The following UBE2E2 variants were observed in gnomAD, a reference collection of about 807,000 sequenced individuals.
UBE2E2 encodes ubiquitin conjugating enzyme E2 E2, also known as ubiquitin-conjugating enzyme E2 E2.
A neutral mutation model predicts 24.7 loss-of-function variants in UBE2E2; 6 were observed. The ratio of observed to expected loss-of-function variants is 0.24; its 90% CI spans 0.13 to 0.48. The LOEUF is 0.48. Ranked by LOEUF, UBE2E2 falls within the 20% of genes least tolerant of loss-of-function variation. UBE2E2 has a pLI of 0.99. For missense variants in UBE2E2, 169 were observed against 245.0 expected, an observed-to-expected ratio of 0.69 and a Z score of 2.07; for synonymous variants, 104 against 83.6, an observed-to-expected ratio of 1.24 and a Z score of -1.33.
At position 23,590,232 on chromosome 3, in the gene UBE2E2, A is replaced by G. The variant is rs1286711240; in HGVS notation, c.*401A>G. Reference sequence around the variant, plus strand: ...TTTGATTTTGATTTTTTTTTCTTTTATGTGATCTTTGGGAAAACACATTCA... The same window carrying G: ...TTTGATTTTGATTTTTTTTTCTTTTGTGTGATCTTTGGGAAAACACATTCA... On this transcript the variant is annotated 3_prime_UTR_variant, in exon 6 of 6. Coordinates refer to ENST00000396703, the MANE Select transcript of UBE2E2 (RefSeq NM_152653.4). The G allele has an allele frequency of 6.2e-6, 1 of 160,030 alleles. No individual in the cohort carries two copies. The highest frequency in any genetic ancestry group is 2.4e-5 in the African/African-American group (1 of 41,162). The allele number at this position is 160,030 out of a possible 1,614,324, so 9.9% of individuals were successfully genotyped here. A position where few individuals can be genotyped will look rare whatever the true frequency, so the allele number is the denominator to read the frequency against.
intron 3 of UBE2E2, among the ~76,000 whole-genome samples, chr3:23,271,357 G>T (rs936834163): frequency 6.6e-6 from 1 of 152,174 alleles, no homozygotes; most frequent in Non-Finnish European, 1.5e-5. Flanking sequence ...AGACCTTCAC[G>T]GTGAGTGTTG....
At chr3:23,502,106 T>G (rs1699735238) in intron 4 of UBE2E2, among the ~76,000 whole-genome samples, 1 of 152,144 alleles carries the variant, frequency 6.6e-6, no homozygotes, top group Non-Finnish European at 1.5e-5. Context: ...AAACAAATAC[T>G]CTTATTATTA....
At chr3:23,267,611 A>C (rs1402686545) in intron 3 of UBE2E2, among the ~76,000 whole-genome samples, 1 of 152,014 alleles carries the variant, frequency 6.6e-6, no homozygotes. Flanking sequence ...TTCACAGCCG[A>C]ATTCTACCAG....
chr3:23,472,252 C>A (rs1450832757), intron 3 of UBE2E2, among the ~76,000 whole-genome samples: 1 of 152,190 alleles, frequency 6.6e-6, no homozygotes, highest in African/African-American at 2.4e-5. Context: ...TCAGTTACAG[C>A]TCCCCCAGAC....
rs552074315 is a variant in UBE2E2 at position 23,242,864 on chromosome 3, T to A, written c.227+25552T>A. On this transcript the variant is annotated intron_variant, in intron 3 of 5. Transcript: ENST00000396703. Reference sequence around the variant, plus strand: ...CATTTGGGAGGCTGAGGCGGGAGGATCACCTGAGGTCAGGAGTTCGAGACC... The same window carrying A: ...CATTTGGGAGGCTGAGGCGGGAGGAACACCTGAGGTCAGGAGTTCGAGACC... Among the ~76,000 whole-genome samples the A allele has an allele frequency of 1.4e-3, 215 of 152,114 alleles. 1 individual carries two copies. The highest frequency in any genetic ancestry group is 2.7e-3 in the Non-Finnish European group (181 of 67,984).
At chr3:23,421,891 C>T (rs1052872288) in intron 3 of UBE2E2, among the ~76,000 whole-genome samples, 10 of 152,268 alleles carry the variant, frequency 6.6e-5, no homozygotes, top group South Asian at 4.1e-4. Context: ...CTTCACTATT[C>T]GGGTGATGGT....
intron 4 of UBE2E2, among the ~76,000 whole-genome samples, chr3:23,522,287 C>T (rs779366764): frequency 2.0e-5 from 3 of 152,050 alleles, no homozygotes; most frequent in African/African-American, 2.4e-5. Context: ...CCCGCCACCA[C>T]GCCCGGCTAA....
intron 3 of UBE2E2, among the ~76,000 whole-genome samples, chr3:23,311,984 G>A (rs934834043): frequency 4.2e-4 from 64 of 152,256 alleles, no homozygotes; most frequent in Middle Eastern, 3.4e-3. Context: ...TGGATCATGG[G>A]GAGTGGTTTC....
intron 3 of UBE2E2, among the ~76,000 whole-genome samples, chr3:23,372,021 G>A (rs1229178796): frequency 6.6e-6 from 1 of 152,090 alleles, no homozygotes; most frequent in East Asian, 1.9e-4. Flanking sequence ...AGGAGGCTGA[G>A]GCAGGAGAAT....
intron 3 of UBE2E2, among the ~76,000 whole-genome samples, chr3:23,246,236 T>TTTTTTTTTTTTTTG: frequency 7.0e-6 from 1 of 143,434 alleles, no homozygotes; most frequent in Admixed American, 6.8e-5. Flanking sequence ...TTTTTTTTTT[T>TTTTTTTTTTTTTTG]TCGAGATGGA....
At chr3:23,207,707 A>G (rs1696188787) in intron 1 of UBE2E2, among the ~76,000 whole-genome samples, 1 of 152,182 alleles carries the variant, frequency 6.6e-6, no homozygotes, top group Non-Finnish European at 1.5e-5. Context: ...TCGTTTTTGT[A>G]CTTAGCAAGT....
intron 3 of UBE2E2, among the ~76,000 whole-genome samples, chr3:23,244,609 T>C (rs1697340335): frequency 3.3e-5 from 5 of 152,152 alleles, no homozygotes; most frequent in African/African-American, 7.2e-5. Flanking sequence ...CATAGCAATG[T>C]GTGAGGCTGG....
intron 3 of UBE2E2, among the ~76,000 whole-genome samples, chr3:23,384,987 G>T (rs1224791362): frequency 6.6e-6 from 1 of 151,790 alleles, no homozygotes; most frequent in Non-Finnish European, 1.5e-5. Context: ...TCTGATTGCG[G>T]TGGCATGATC....
chr3:23,557,440 G>A (rs1695818229), intron 5 of UBE2E2, among the ~76,000 whole-genome samples: 1 of 152,136 alleles, frequency 6.6e-6, no homozygotes, highest in South Asian at 2.1e-4. Context: ...TACAAGACGG[G>A]AACCAACCCT....
At chr3:23,469,234 T>C (rs1392608858) in intron 3 of UBE2E2, among the ~76,000 whole-genome samples, 3 of 152,196 alleles carry the variant, frequency 2.0e-5, no homozygotes, top group Non-Finnish European at 2.9e-5. Flanking sequence ...TTTCATCATA[T>C]TGTTGTTAGG....
intron 3 of UBE2E2, among the ~76,000 whole-genome samples, chr3:23,220,768 C>T (rs1160313746): frequency 6.6e-6 from 1 of 152,154 alleles, no homozygotes. Context: ...ATGCTTTATC[C>T]TTACAGACCT....
chr3:23,413,397 TG>T (rs1697542967), intron 3 of UBE2E2, among the ~76,000 whole-genome samples: 1 of 152,146 alleles, frequency 6.6e-6, no homozygotes, highest in South Asian at 2.1e-4. Context: ...GGGGAGAGAT[TG>T]AAAGTATTAA....
chr3:23,299,843 A>G (rs376475597), intron 3 of UBE2E2, among the ~76,000 whole-genome samples: 11 of 151,884 alleles, frequency 7.2e-5, no homozygotes, highest in Admixed American at 2.0e-4. Context: ...TATCCTTGTT[A>G]ACTTTCTGTC....
chr3:23,274,295 C>A (rs754961734), intron 3 of UBE2E2, among the ~76,000 whole-genome samples: 11 of 151,844 alleles, frequency 7.2e-5, no homozygotes, highest in Non-Finnish European at 1.5e-4. Context: ...TTCCCTCTTT[C>A]TTTCCCCTCT....
Sources: allele counts gnomAD v4.1 joint callset (sites outside exome capture counted in the v4.1 genomes callset), GRCh38; gene constraint gnomAD v4.1.1; transcripts MANE v1.5; gene names NCBI Gene and HGNC (gene_info 2026-07-23, HGNC 2026-07-21).